The following TYW1 variants were observed in gnomAD, a reference collection of about 807,000 sequenced individuals.
TYW1 encodes the protein tRNA-yW synthesizing protein 1 homolog.
A neutral mutation model predicts 96.2 loss-of-function variants in TYW1; 46 were observed. The ratio of observed to expected loss-of-function variants is 0.48; its 90% CI spans 0.38 to 0.61. The LOEUF is 0.61. TYW1 is among the 20% of genes least tolerant of loss of function. The pLI is 0.00. For synonymous variants in TYW1, 274 were observed against 323.0 expected, an observed-to-expected ratio of 0.85 and a Z score of 1.63; for missense variants, 684 against 909.6, an observed-to-expected ratio of 0.75 and a Z score of 3.19.
rs370845043 is a variant in TYW1 at position 67,034,929 on chromosome 7, T to C, written c.984+9907T>C. On this transcript the variant is annotated intron_variant, in intron 7 of 15. Transcript: ENST00000359626. ...GCAAAGAGTTTCCCATCTGTTTCCA[T>C]TGTAGAAGAGAAATGAGAGTACCTG... 5.3e-5 allele frequency among the ~76,000 whole-genome samples: 8 copies of C among 152,208 alleles called. No homozygotes were observed. In the South Asian group the frequency reaches 8.3e-4, roughly 16 times the overall value.
Position 66,998,810 on chromosome 7 carries a change from C to A in TYW1, c.136-7C>A. On this transcript the variant is annotated splice_polypyrimidine_tract_variant and splice_region_variant and intron_variant, in intron 2 of 15. Transcript: ENST00000359626. ...TGATGGATTTTGTGTAATTATTTGT[C>A]TTCAAGGGCAAGAACTTACAGGAAA... is the stretch of plus-strand genomic sequence containing the variant. The A allele has an allele frequency of 6.2e-7, 1 of 1,613,714 alleles. No individual in the cohort carries two copies. The highest frequency in any genetic ancestry group is 1.7e-5 in the Admixed American group (1 of 59,848).
intron 13 of TYW1, among the ~76,000 whole-genome samples, chr7:67,137,960 A>G (rs7809649): frequency 0.24 from 36,134 of 152,054 alleles, 4,517 homozygotes; most frequent in African/African-American, 0.3. Context: ...CAGAGTACCG[A>G]AAAAGAGTTT....
chr7:67,213,025 C>T (rs1333800161), intron 15 of TYW1, among the ~76,000 whole-genome samples: 1 of 131,640 alleles, frequency 7.6e-6, no homozygotes. Context: ...ACAGGTGCCA[C>T]CACACCCAGC....
At chr7:67,200,151 G>A (rs996920292) in intron 15 of TYW1, among the ~76,000 whole-genome samples, 20 of 152,110 alleles carry the variant, frequency 1.3e-4, no homozygotes, top group Admixed American at 9.2e-4. Flanking sequence ...TGTGCGCCAG[G>A]ACAAAGGAGA....
intron 13 of TYW1, among the ~76,000 whole-genome samples, chr7:67,131,516 T>C (rs1798073830): frequency 6.6e-6 from 1 of 152,214 alleles, no homozygotes; most frequent in East Asian, 1.9e-4. Flanking sequence ...ATCAGTATCC[T>C]GTAATTGGTG....
chr7:67,157,985 C>T (rs2116201264), intron 13 of TYW1, among the ~76,000 whole-genome samples: 1 of 151,900 alleles, frequency 6.6e-6, no homozygotes, highest in South Asian at 2.1e-4. Context: ...GGAAAGTATG[C>T]ACTTTCTTAC....
chr7:67,143,869 T>G (rs1354830168), intron 13 of TYW1, among the ~76,000 whole-genome samples: 8 of 152,090 alleles, frequency 5.3e-5, no homozygotes, highest in Non-Finnish European at 1.0e-4. Flanking sequence ...TGAGAAAGCG[T>G]TTTTTGGTGT....
intron 11 of TYW1, among the ~76,000 whole-genome samples, chr7:67,092,371 C>G (rs1207793129): frequency 6.6e-6 from 1 of 152,104 alleles, no homozygotes; most frequent in African/African-American, 2.4e-5. Flanking sequence ...ATGTGATCTA[C>G]TTAAAACAAA....
chr7:67,186,806 A>G (rs1800039646), intron 14 of TYW1, among the ~76,000 whole-genome samples: 1 of 152,104 alleles, frequency 6.6e-6, no homozygotes, highest in Non-Finnish European at 1.5e-5. Flanking sequence ...CTAAGATGCT[A>G]TTAACAACAA....
At chr7:67,107,770 T>G (rs1292299947) in intron 12 of TYW1, among the ~76,000 whole-genome samples, 1 of 151,778 alleles carries the variant, frequency 6.6e-6, no homozygotes, top group African/African-American at 2.4e-5. Flanking sequence ...CCCATTATAT[T>G]GGCCAGGCTG....
At chr7:67,220,849 T>A (rs2116418014) in intron 15 of TYW1, among the ~76,000 whole-genome samples, 1 of 152,134 alleles carries the variant, frequency 6.6e-6, no homozygotes, top group South Asian at 2.1e-4. Context: ...GCGATTCTTC[T>A]GCCTCAGCCC....
chr7:67,228,296 A>G (rs78624744), intron 15 of TYW1, among the ~76,000 whole-genome samples: 1 of 152,210 alleles, frequency 6.6e-6, no homozygotes, highest in African/African-American at 2.4e-5. Flanking sequence ...CACGTCTCAC[A>G]TGGAGGCAGA....
At chr7:67,221,065 G>A (rs1169539502) in intron 15 of TYW1, among the ~76,000 whole-genome samples, 6 of 152,282 alleles carry the variant, frequency 3.9e-5, no homozygotes, top group East Asian at 3.9e-4. Flanking sequence ...TCTGGTTGTT[G>A]TATCTATGAA....
intron 5 of TYW1, among the ~76,000 whole-genome samples, chr7:67,015,388 T>A (rs999665248): frequency 3.3e-5 from 5 of 152,184 alleles, no homozygotes; most frequent in Non-Finnish European, 7.3e-5. Context: ...GGTCTTGCTT[T>A]GTCATCCAGG....
intron 7 of TYW1, among the ~76,000 whole-genome samples, chr7:67,047,783 A>ATT (rs36007120): frequency 0.017 from 1,391 of 79,856 alleles, 168 homozygotes; most frequent in East Asian, 0.12. Flanking sequence ...GTGAGTGTCA[A>ATT]TTTTTTTTTT....
At chr7:67,021,386 A>T (rs1562969645) in intron 6 of TYW1, among the ~76,000 whole-genome samples, 2 of 152,274 alleles carry the variant, frequency 1.3e-5, no homozygotes, top group Non-Finnish European at 2.9e-5. Flanking sequence ...TGAGTGACTG[A>T]TAGTAGCTGC....
chr7:67,082,849 G>A (rs1279913892), intron 10 of TYW1, among the ~76,000 whole-genome samples: 1 of 152,150 alleles, frequency 6.6e-6, no homozygotes, highest in East Asian at 1.9e-4. Flanking sequence ...TATGGCCATG[G>A]AGTGATGGTG....
intron 7 of TYW1, among the ~76,000 whole-genome samples, chr7:67,037,274 G>A (rs982849302): frequency 1.3e-5 from 2 of 152,034 alleles, no homozygotes; most frequent in African/African-American, 2.4e-5. Context: ...TTGGGAGGCC[G>A]AGGCAGGTGG....
rs3071734 is a variant in TYW1 at position 67,212,260 on chromosome 7, C to CT, written c.1977+16935dup. 1.3e-3 allele frequency among the ~76,000 whole-genome samples: 184 copies of CT among 144,582 alleles called. No individual in the cohort carries two copies. In the East Asian group the frequency reaches 0.025, roughly 20 times the overall value. 94.9% of individuals were successfully genotyped at this position (144,582 alleles called of 152,430 possible). A position where few individuals can be genotyped will look rare whatever the true frequency, so the allele number is the denominator to read the frequency against. ...CTGGCTTCTTTCTTTTTTTTTTAAC[C>CT]TTTTTTTTTTTTAACTTAGCAATAT... On this transcript the variant is annotated intron_variant, in intron 15 of 15. Transcript: ENST00000359626.
Sources: allele counts gnomAD v4.1 joint callset (sites outside exome capture counted in the v4.1 genomes callset), GRCh38; gene constraint gnomAD v4.1.1; transcripts MANE v1.5; gene names NCBI Gene and HGNC (gene_info 2026-07-23, HGNC 2026-07-21).